ARHGEF3: variants seen among roughly 807,000 people sequenced by gnomAD.
ARHGEF3 encodes 59.8 kDA protein.
Under a neutral mutation model 63.2 loss-of-function variants are expected in ARHGEF3, and 28 were observed. The observed-to-expected ratio is 0.44, with a 90% CI of 0.33 to 0.61. ARHGEF3 has a LOEUF of 0.61. ARHGEF3 is among the 20% of genes least tolerant of loss of function. The probability of loss-of-function intolerance (pLI) is 0.03; values close to 1 mark genes in which losing one functional copy is unlikely to be tolerated. For missense variants in ARHGEF3, 533 were observed against 659.3 expected (o/e 0.81, Z 2.10); for synonymous variants, 266 against 254.2 (o/e 1.05, Z -0.44).
intron 2 of ARHGEF3, among the ~76,000 whole-genome samples, chr3:56,984,364 G>A (rs1701451666): frequency 6.6e-6 from 1 of 152,148 alleles, no homozygotes; most frequent in South Asian, 2.1e-4. Context: ...TCAGAGAAGA[G>A]CCCCTCAATC....
chr3:56,849,591 G>A (rs931240303), intron 4 of ARHGEF3, among the ~76,000 whole-genome samples: 24 of 152,046 alleles, frequency 1.6e-4, no homozygotes, highest in South Asian at 2.1e-4. Flanking sequence ...CACAATGCCT[G>A]TGTCCTGTTG....
At chr3:56,733,984 CAAAAAAA>C (rs777924213) in intron 8 of ARHGEF3, among the ~76,000 whole-genome samples, 236 of 55,094 alleles carry the variant, frequency 4.3e-3, no homozygotes, top group African/African-American at 0.015. Context: ...AATTCTGTCT[CAAAAAAA>C]AAAAAAAAAA....
rs117352106 is a variant in ARHGEF3, at chr3:56,986,900, C to T, written c.63-28011G>A. Among the ~76,000 whole-genome samples, 7 of 151,916 alleles carry T rather than the reference C, an allele frequency of 4.6e-5. No individual in the cohort carries two copies. In the East Asian group the frequency reaches 1.2e-3, roughly 25 times the overall value. Reference sequence around the variant, plus strand: ...GTCCATGGATATTGAATCCTTACTGCGGGTGAAGTGATGTTTAAAACACTT... The same window carrying T: ...GTCCATGGATATTGAATCCTTACTGTGGGTGAAGTGATGTTTAAAACACTT... On this transcript the variant is annotated intron_variant, in intron 2 of 12. Transcript: ENST00000338458.
At chr3:56,795,664 T>C (rs1260101085) in intron 1 of ARHGEF3, among the ~76,000 whole-genome samples, 1 of 150,872 alleles carries the variant, frequency 6.6e-6, no homozygotes, top group Non-Finnish European at 1.5e-5. Context: ...TCTTTTTTTT[T>C]TTTGAAGATG....
At chr3:57,046,783 C>T (rs1473817954) in intron 1 of ARHGEF3, among the ~76,000 whole-genome samples, 1 of 152,144 alleles carries the variant, frequency 6.6e-6, no homozygotes, top group Non-Finnish European at 1.5e-5. Flanking sequence ...GAATGTGGGG[C>T]CTGTACAGGG....
intron 2 of ARHGEF3, among the ~76,000 whole-genome samples, chr3:56,999,774 GA>G (rs1444385758): frequency 6.6e-6 from 1 of 152,130 alleles, no homozygotes; most frequent in African/African-American, 2.4e-5. Flanking sequence ...TCCAGCCTTG[GA>G]AAAAGAGTGA....
intron 4 of ARHGEF3, among the ~76,000 whole-genome samples, chr3:56,820,060 T>C (rs1221177569): frequency 6.6e-6 from 1 of 152,230 alleles, no homozygotes; most frequent in African/African-American, 2.4e-5. Context: ...TCCTCTCCCC[T>C]TGACCTCCCA....
chr3:56,801,623 C>A (rs1315703120), intron 1 of ARHGEF3, 80 bp downstream of exon 1: 3 of 1,496,806 alleles, frequency 2.0e-6, no homozygotes, highest in Non-Finnish European at 2.7e-6. Flanking sequence ...TGACACTGGA[C>A]GGGCGCCGAG....
intron 4 of ARHGEF3, among the ~76,000 whole-genome samples, chr3:56,858,838 C>T (rs552468995): frequency 1.9e-4 from 29 of 152,278 alleles, no homozygotes; most frequent in African/African-American, 6.7e-4. Context: ...TGGGCAGGAG[C>T]CTAGACATTT....
chr3:56,816,755 C>T (rs766929590), intron 4 of ARHGEF3, among the ~76,000 whole-genome samples: 1 of 152,202 alleles, frequency 6.6e-6, no homozygotes, highest in Non-Finnish European at 1.5e-5. Flanking sequence ...TAGTAAGCAG[C>T]AGAGCTGGAG....
Position 56,958,882 on chromosome 3 carries a change from G to A in ARHGEF3, c.70C>T (p.Arg24Trp), listed in dbSNP as rs535956308. 1.3e-5 allele frequency: 20 copies of A among 1,550,936 alleles called. No individual in the cohort carries two copies. Among genetic ancestry groups the A allele is most frequent in the Admixed American group, 5.9e-5 (3 of 50,974 alleles). Reference sequence around the variant, plus strand: ...ATGGGAAAGTTGTTTTGCCGCTGCCGTTTAGGCCTAGAAGAGAAAAGACAA... The same window carrying A: ...ATGGGAAAGTTGTTTTGCCGCTGCCATTTAGGCCTAGAAGAGAAAAGACAA... Residue 24 changes from arginine to tryptophan, a missense_variant, in exon 3 of 13, where the codon CGG (arginine) becomes TGG (tryptophan). Coordinates refer to the ARHGEF3 transcript ENST00000338458.
Position 56,945,884 on chromosome 3 carries a change from G to A in ARHGEF3, c.129+12939C>T, listed in dbSNP as rs1040621160. ...CTAACTGGGAGGCACCCCCCAGTAC[G>A]GGCAGACTGACACCTCACACGGCCG... On this transcript the variant is annotated intron_variant, in intron 3 of 12. Coordinates refer to the ARHGEF3 transcript ENST00000338458. Among the ~76,000 whole-genome samples, 5 of 152,274 alleles carry A rather than the reference G, an allele frequency of 3.3e-5. No individual in the cohort carries two copies. The East Asian group carries it at 7.7e-4, about 24-fold the overall frequency.
intron 1 of ARHGEF3, among the ~76,000 whole-genome samples, chr3:56,792,079 C>G (rs1475227539): frequency 1.5e-5 from 2 of 132,060 alleles, no homozygotes; most frequent in Admixed American, 1.8e-4. Context: ...GCACTCCAGA[C>G]TGGACAAGAG....
At chr3:56,863,237 A>C (rs1379959092) in intron 4 of ARHGEF3, among the ~76,000 whole-genome samples, 1 of 151,676 alleles carries the variant, frequency 6.6e-6, no homozygotes, top group African/African-American at 2.4e-5. Flanking sequence ...TCCCATGTTG[A>C]AGCAGTTCTC....
At chr3:57,031,190 T>C (rs1343837482) in intron 2 of ARHGEF3, among the ~76,000 whole-genome samples, 3 of 152,210 alleles carry the variant, frequency 2.0e-5, no homozygotes, top group Admixed American at 6.5e-5. Flanking sequence ...TGTGTAATAA[T>C]GGTGAACACA....
At chr3:56,780,984 A>AT (rs1288048157) in intron 1 of ARHGEF3, among the ~76,000 whole-genome samples, 1 of 152,254 alleles carries the variant, frequency 6.6e-6, no homozygotes, top group Non-Finnish European at 1.5e-5. Context: ...ATCTTTGTAG[A>AT]TAAAATCAAG....
intron 1 of ARHGEF3, among the ~76,000 whole-genome samples, chr3:57,058,368 C>T (rs1165743135): frequency 6.6e-6 from 1 of 152,192 alleles, no homozygotes; most frequent in African/African-American, 2.4e-5. Flanking sequence ...GACTGTGATG[C>T]TCTCGGCGTC....
At chr3:56,794,596 A>G (rs1192116417) in intron 1 of ARHGEF3, among the ~76,000 whole-genome samples, 1 of 152,018 alleles carries the variant, frequency 6.6e-6, no homozygotes, top group Non-Finnish European at 1.5e-5. Context: ...ACACAGACGG[A>G]GTACAGTCAT....
In ARHGEF3 at chr3:56,968,348, A is replaced by G. The variant is rs561975276; in HGVS notation, c.63-9459T>C. On this transcript the variant is annotated intron_variant, in intron 2 of 12. Transcript: ENST00000338458. The stretch of plus-strand genomic sequence containing the variant: ...TATATATATATAATATATAATATAT[A>G]TATTTTTTGAGACATGGTCTTACTC... Among the ~76,000 whole-genome samples, 189 of 107,534 alleles carry G rather than the reference A, an allele frequency of 1.8e-3. 6 individuals carry two copies. Among genetic ancestry groups the G allele is most frequent in the African/African-American group, 6.3e-3 (183 of 28,972 alleles). The allele number at this position is 107,534 out of a possible 152,430, so 70.5% of individuals were successfully genotyped here.
Sources: gnomAD v4.1 joint callset for allele counts (sites outside exome capture counted in the v4.1 genomes callset) on GRCh38, gnomAD v4.1.1 for gene constraint, MANE v1.5 for transcripts, NCBI Gene and HGNC (gene_info 2026-07-23, HGNC 2026-07-21) for gene names.